HMGCS2: variants seen among roughly 807,000 people sequenced by gnomAD.
HMGCS2 encodes hydroxymethylglutaryl-CoA synthase, mitochondrial.
In HMGCS2, 50 loss-of-function variants were observed where a neutral mutation model predicts 57.4. That is an observed-to-expected ratio of 0.87 (90% CI 0.69 to 1.10). The LOEUF (loss-of-function observed/expected upper bound fraction) is 1.10. Ranked by LOEUF, HMGCS2 falls within the 50% of genes least tolerant of loss-of-function variation. The probability of loss-of-function intolerance (pLI) is 0.00; values close to 1 mark genes in which losing one functional copy is unlikely to be tolerated. For synonymous variants in HMGCS2, 254 were observed against 245.1 expected (o/e 1.04, Z -0.34); for missense variants, 627 against 636.5 (o/e 0.99, Z 0.16).
intron 5 of HMGCS2, among the ~76,000 whole-genome samples, chr1:119,755,912 T>TATA (rs1491355855): frequency 4.5e-5 from 1 of 22,336 alleles, no homozygotes; most frequent in African/African-American, 1.0e-4. Context: ...TATATATATA[T>TATA]TTTTTTTCCA....
chr1:119,763,690 G>C lies in HMGCS2; in HGVS notation c.559+482C>G, dbSNP rs371186587. Among the ~76,000 whole-genome samples the C allele has an allele frequency of 3.3e-5, 5 of 152,332 alleles. No individual in the cohort carries two copies. In the South Asian group the frequency reaches 8.3e-4, roughly 25 times the overall value. On this transcript the variant is annotated intron_variant, in intron 2 of 9. Coordinates refer to ENST00000369406, the MANE Select transcript of HMGCS2 (RefSeq NM_005518.4). ...CAAGGAGCCACCTAAGGGAGAAAGA[G>C]TAGAAATACTCACAGTCTATCTTGT...
In HMGCS2 at chr1:119,750,961, G is replaced by A. The variant is rs139367485; in HGVS notation, c.1421-53C>T. The A allele has an allele frequency of 6.1e-4, 693 of 1,127,614 alleles. 5 individuals carry two copies. In the African/African-American group the frequency reaches 9.3e-3, roughly 15 times the overall value. The allele number at this position is 1,127,614 out of a possible 1,614,324, so 69.9% of individuals were successfully genotyped here. A position where few individuals can be genotyped will look rare whatever the true frequency, so the allele number is the denominator to read the frequency against. On this transcript the variant is annotated intron_variant, in intron 8 of 9. Coordinates refer to ENST00000369406, the MANE Select transcript of HMGCS2 (RefSeq NM_005518.4). ...TCACAAAGAGTTATATGAGTTTTTG[G>A]AAGAGAAAATAGTAATGAAGATGTC...
intron 5 of HMGCS2, among the ~76,000 whole-genome samples, chr1:119,756,119 T>C (rs1466065856): frequency 1.3e-5 from 2 of 152,172 alleles, no homozygotes; most frequent in African/African-American, 4.8e-5. Context: ...GCTCTCCTGT[T>C]ACTCCTCAAA....
intron 3 of HMGCS2, 130 bp downstream of exon 3, chr1:119,759,734 T>G: frequency 8.7e-7 from 1 of 1,155,580 alleles, no homozygotes; most frequent in South Asian, 1.3e-5. Flanking sequence ...GACCAGCCCT[T>G]TTTAGAGGCA....
At position 119,752,597 on chromosome 1, in the gene HMGCS2, C is replaced by T. The variant is rs780869942; in HGVS notation, c.1372G>A (p.Glu458Lys). Reference sequence around the variant, plus strand: ...TGGTTCATTATTTCTGTGAACTCCTCAGGAGACACACACTTTCGGGAGGCT... The same window carrying T: ...TGGTTCATTATTTCTGTGAACTCCTTAGGAGACACACACTTTCGGGAGGCT... ...RLASRKCVSP[E>K]EFTEIMNQRE... Residue 458 changes from glutamate (E) to lysine (K), a missense_variant, in exon 8 of 10, where the codon GAG becomes AAG. Transcript: ENST00000369406. 29 of 1,613,952 alleles carry T rather than the reference C, an allele frequency of 1.8e-5. No individual in the cohort carries two copies. The highest frequency in any genetic ancestry group is 3.3e-5 in the South Asian group (3 of 91,076).
chr1:119,768,455 CCTGGTA>C (rs753079822), intron 1 of HMGCS2, among the ~76,000 whole-genome samples: 7 of 152,176 alleles, frequency 4.6e-5, no homozygotes, highest in Non-Finnish European at 7.4e-5. Context: ...AAAGCTGTGG[CCTGGTA>C]CTGATATTTC....
intron 8 of HMGCS2, among the ~76,000 whole-genome samples, chr1:119,751,373 T>G (rs587687431): frequency 6.6e-6 from 1 of 150,844 alleles, no homozygotes; most frequent in East Asian, 1.9e-4. Flanking sequence ...TTCTTTTTTT[T>G]TTTTTTGTTT....
At position 119,750,808 on chromosome 1, in the gene HMGCS2, G is replaced by A. The variant is rs587677028; in HGVS notation, c.1521C>T (p.Pro507=). ...EQHRRKYARR[P]V Reference sequence around the variant, plus strand: ...AAACTCTCACTCACCACCTTTAGACGGGACGCCGGGCATACTTTCGGCGAT... The same window carrying A: ...AAACTCTCACTCACCACCTTTAGACAGGACGCCGGGCATACTTTCGGCGAT... The change falls in exon 9 of 10, where the codon CCC becomes CCT. Residue 507 remains proline (P), a synonymous_variant. Transcript: ENST00000369406. The A allele has an allele frequency of 2.8e-5, 45 of 1,611,646 alleles. No homozygotes were observed. In the South Asian group the frequency reaches 3.2e-4, roughly 11 times the overall value.
chr1:119,758,307 G>C (rs943405750), intron 4 of HMGCS2, among the ~76,000 whole-genome samples: 1 of 152,196 alleles, frequency 6.6e-6, no homozygotes, highest in African/African-American at 2.4e-5. Context: ...CTTGATCATA[G>C]CTTACTGCAT....
chr1:119,759,240 TTGTAGAAGTCA>T lies in HMGCS2; in HGVS notation c.717_727del (p.Tyr239Ter), dbSNP rs1193946325. The T allele has an allele frequency of 6.2e-7, 1 of 1,614,112 alleles. No individual in the cohort carries two copies. The highest frequency in any genetic ancestry group is 1.7e-5 in the Admixed American group (1 of 60,018). On this transcript the variant is annotated stop_gained and frameshift_variant, in exon 4 of 10. Coordinates refer to ENST00000369406, the MANE Select transcript of HMGCS2 (RefSeq NM_005518.4). LOFTEE classifies it high-confidence loss of function. ...TGGGTACTCCGAGGCCAAATTTGGT[TTGTAGAAGTCA>T]TACACATTCTCCATATGGGTTCCCC...
chr1:119,750,610 C>A (rs1357277411), intron 9 of HMGCS2, among the ~76,000 whole-genome samples, 187 bp downstream of exon 9: 1 of 152,124 alleles, frequency 6.6e-6, no homozygotes, highest in Non-Finnish European at 1.5e-5. Flanking sequence ...CTACAAGATT[C>A]CTATTCTGAA....
At chr1:119,757,242 A>T (rs376462905) in intron 5 of HMGCS2, 31 bp downstream of exon 5, 2 of 1,613,744 alleles carry the variant, frequency 1.2e-6, no homozygotes, top group African/African-American at 2.7e-5. Context: ...ACACCTCACC[A>T]GCCTCTAGGC....
At chr1:119,766,783 G>A (rs77067711) in intron 1 of HMGCS2, among the ~76,000 whole-genome samples, 93 of 152,154 alleles carry the variant, frequency 6.1e-4, no homozygotes, top group African/African-American at 2.1e-3. Flanking sequence ...CTTGCAAGAA[G>A]AAGCTTAGAA....
chr1:119,764,384 C>G lies in HMGCS2; in HGVS notation c.347G>C (p.Arg116Pro). 4.3e-6 allele frequency: 7 copies of G among 1,614,158 alleles called. No homozygotes were observed. Among genetic ancestry groups the G allele is most frequent in the Non-Finnish European group, 5.9e-6 (7 of 1,180,002 alleles). Residue 116 changes from arginine to proline, a missense_variant, in exon 2 of 10, where the codon CGC becomes CCC. Coordinates refer to ENST00000369406, the MANE Select transcript of HMGCS2 (RefSeq NM_005518.4). Reference sequence around the variant, plus strand: ...CACAGAGTCCCATGGGAGCTGTATGCGCTCCATCAGCCGTTGCACCACCGT... The same window carrying G: ...CACAGAGTCCCATGGGAGCTGTATGGGCTCCATCAGCCGTTGCACCACCGT... ...CLTVVQRLMERIQLPWDSVGR... is the reference protein window; with the variant it reads ...CLTVVQRLMEPIQLPWDSVGR...
At chr1:119,758,436 C>T (rs1422685983) in intron 4 of HMGCS2, among the ~76,000 whole-genome samples, 2 of 151,980 alleles carry the variant, frequency 1.3e-5, no homozygotes, top group Non-Finnish European at 2.9e-5. Context: ...CAGGGTCTTG[C>T]TTTGTTGCCC....
Position 119,753,403 on chromosome 1 carries a change from CAAAT to C in HMGCS2, c.1188-21_1188-18del. 1 of 984,816 alleles carries C rather than the reference CAAAT, an allele frequency of 1.0e-6. No homozygotes were observed. The highest frequency in any genetic ancestry group is 1.6e-6 in the Non-Finnish European group (1 of 621,300). 61.0% of individuals were successfully genotyped at this position (984,816 alleles called of 1,614,324 possible). A position where few individuals can be genotyped will look rare whatever the true frequency, so the allele number is the denominator to read the frequency against. On this transcript the variant is annotated intron_variant, in intron 6 of 9. Coordinates refer to ENST00000369406, the MANE Select transcript of HMGCS2 (RefSeq NM_005518.4). ...GCAGAGTGGCTGTGGGGAAAGAAATCAAATAAAACACACACACACACACACACAC... is the reference window on the plus strand; with the variant it reads ...GCAGAGTGGCTGTGGGGAAAGAAATCAAAACACACACACACACACACACAC...
In HMGCS2 at chr1:119,755,528, G is replaced by T. The variant is rs777939704; in HGVS notation, c.1086C>A (p.Asp362Glu). 5 of 1,614,090 alleles carry T rather than the reference G, an allele frequency of 3.1e-6. No individual in the cohort carries two copies. Among genetic ancestry groups the T allele is most frequent in the Non-Finnish European group, 3.4e-6 (4 of 1,179,966 alleles). Residue 362 changes from aspartate to glutamate, a missense_variant, in exon 6 of 10, where the codon GAC (aspartate) becomes GAA (glutamate). Asp to Glu is a conservative substitution (Grantham distance 45). Transcript: ENST00000369406. ...LDKALLKASQDMFDKKTKASL... is the reference protein window; with the variant it reads ...LDKALLKASQEMFDKKTKASL... ...AAGCCTTGGTTTTCTTGTCGAACATGTCCTGAGAGGCCTTTAGAAGTGCTT... is the reference window on the plus strand; with the variant it reads ...AAGCCTTGGTTTTCTTGTCGAACATTTCCTGAGAGGCCTTTAGAAGTGCTT...
chr1:119,753,248 T>C, intron 7 of HMGCS2, 32 bp downstream of exon 7: 1 of 1,310,426 alleles, frequency 7.6e-7, no homozygotes, highest in Non-Finnish European at 1.1e-6. Flanking sequence ...ATGAATCTTG[T>C]CAGGAAGGCC....
chr1:119,768,618 TTG>T, intron 1 of HMGCS2, 121 bp downstream of exon 1: 1 of 732,060 alleles, frequency 1.4e-6, no homozygotes, highest in Admixed American at 2.0e-5. Context: ...GTTAACTTGC[TTG>T]TCTAAGGCTG....
Sources: gnomAD v4.1 joint callset for allele counts (sites outside exome capture counted in the v4.1 genomes callset) on GRCh38, gnomAD v4.1.1 for gene constraint, MANE v1.5 for transcripts, NCBI Gene and HGNC (gene_info 2026-07-23, HGNC 2026-07-21) for gene names.